PEBP4: variants seen among roughly 807,000 people sequenced by gnomAD.
PEBP4 encodes the protein phosphatidylethanolamine binding protein 4, also known as phosphatidylethanolamine-binding protein 4.
A neutral mutation model predicts 23.9 loss-of-function variants in PEBP4; 22 were observed. That is an observed-to-expected ratio of 0.92 (90% CI 0.66 to 1.31). PEBP4 has a LOEUF of 1.31. Ranked by LOEUF, PEBP4 falls within the 40% of genes most tolerant of loss-of-function variation. The pLI is 0.00. For synonymous variants in PEBP4, 112 were observed against 99.3 expected, an observed-to-expected ratio of 1.13 and a Z score of -0.76; for missense variants, 324 against 281.7, an observed-to-expected ratio of 1.15 and a Z score of -1.07.
chr8:22,820,483 G>C (rs578022396), intron 3 of PEBP4, among the ~76,000 whole-genome samples: 40 of 152,326 alleles, frequency 2.6e-4, no homozygotes, highest in Non-Finnish European at 4.0e-4. Flanking sequence ...CCTTGACCGG[G>C]AGAGGCAGGC....
rs1805580879 is a variant in PEBP4 at position 22,765,107 on chromosome 8, TC to T, written c.358-37888del. On this transcript the variant is annotated intron_variant, in intron 4 of 6. Coordinates refer to ENST00000256404, the MANE Select transcript of PEBP4 (RefSeq NM_144962.3). The stretch of plus-strand genomic sequence containing the variant: ...GTCCTCAGTTTCTTTCCTTCTTCCT[TC>T]CTTTATTTCTTCCTTCCTTCCTTCC... 2.0e-5 allele frequency among the ~76,000 whole-genome samples: 3 copies of T among 148,876 alleles called. No individual in the cohort carries two copies. In the South Asian group the frequency reaches 6.4e-4, roughly 32 times the overall value.
At chr8:22,833,485 C>T (rs113757224) in intron 3 of PEBP4, among the ~76,000 whole-genome samples, 4,432 of 152,262 alleles carry the variant, frequency 0.029, 187 homozygotes, top group African/African-American at 0.084. Context: ...GTGCATGCCA[C>T]CACGCCCAGC....
rs569362172 is a variant in PEBP4 at position 22,723,500 on chromosome 8, T to C, written c.517+1343A>G. On this transcript the variant is annotated intron_variant, in intron 6 of 6. Transcript: ENST00000256404. ...TAGGCATGGTGATCCCGGAGTCTCA[T>C]GGTGGGGCTCAGAGGCACTGCTTCA... 3.9e-5 allele frequency among the ~76,000 whole-genome samples: 6 copies of C among 151,940 alleles called. No individual in the cohort carries two copies. In the South Asian group the frequency reaches 1.2e-3, roughly 32 times the overall value.
chr8:22,777,193 T>C (rs1327256980), intron 4 of PEBP4, among the ~76,000 whole-genome samples: 1 of 152,134 alleles, frequency 6.6e-6, no homozygotes, highest in East Asian at 1.9e-4. Context: ...CCGATTTCCC[T>C]CTTTCCTTCT....
intron 3 of PEBP4, among the ~76,000 whole-genome samples, chr8:22,838,089 C>T (rs1807244363): frequency 1.3e-5 from 2 of 151,702 alleles, no homozygotes; most frequent in African/African-American, 2.4e-5. Flanking sequence ...TTTGTAGATA[C>T]GGGGTCTCCC....
At chr8:22,852,797 A>T (rs1244498832) in intron 3 of PEBP4, among the ~76,000 whole-genome samples, 3 of 148,340 alleles carry the variant, frequency 2.0e-5, no homozygotes, top group Non-Finnish European at 3.0e-5. Flanking sequence ...ATTAACAATT[A>T]AAAAAAAAAG....
At chr8:22,749,633 C>T (rs1045071475) in intron 4 of PEBP4, among the ~76,000 whole-genome samples, 4 of 151,992 alleles carry the variant, frequency 2.6e-5, no homozygotes, top group African/African-American at 4.8e-5. Flanking sequence ...TGGGTAGCTG[C>T]GGCCAGCTAT....
intron 3 of PEBP4, among the ~76,000 whole-genome samples, chr8:22,854,925 A>C (rs1807608342): frequency 1.0e-5 from 1 of 99,774 alleles, no homozygotes; most frequent in South Asian, 4.1e-4. Context: ...GTGAGATTAG[A>C]ATGTGTGTGT....
At chr8:22,850,565 G>A (rs1461404855) in intron 3 of PEBP4, among the ~76,000 whole-genome samples, 1 of 152,174 alleles carries the variant, frequency 6.6e-6, no homozygotes, top group Admixed American at 6.5e-5. Context: ...GCGTGTGTGT[G>A]TGTGTGTGTC....
rs534643280 is a variant in PEBP4 at position 22,894,914 on chromosome 8, A to G, written c.258+25270T>C. Among the ~76,000 whole-genome samples the G allele has an allele frequency of 1.9e-3, 296 of 152,216 alleles. 3 individuals carry two copies. Among genetic ancestry groups the G allele is most frequent in the African/African-American group, 6.6e-3 (276 of 41,528 alleles). On this transcript the variant is annotated intron_variant, in intron 3 of 6. Transcript: ENST00000256404. ...CCTTTTCCCCAGGTCCTGTCTTGCA[A>G]GAGAATCCTGATTCTCCCTGAGGTC...
intron 4 of PEBP4, among the ~76,000 whole-genome samples, chr8:22,761,105 C>G (rs1040052): frequency 0.12 from 17,501 of 152,102 alleles, 1,333 homozygotes; most frequent in South Asian, 0.21. Flanking sequence ...GAGGTGGGAC[C>G]CTGCCAGGCC....
chr8:22,897,551 T>TA (rs1256475515), intron 3 of PEBP4, among the ~76,000 whole-genome samples: 1 of 152,228 alleles, frequency 6.6e-6, no homozygotes, highest in Non-Finnish European at 1.5e-5. Flanking sequence ...ATTCAAACCT[T>TA]ACAACAAACC....
chr8:22,927,006 C>A (rs1585161011), intron 2 of PEBP4, among the ~76,000 whole-genome samples: 1 of 152,080 alleles, frequency 6.6e-6, no homozygotes, highest in East Asian at 1.9e-4. Flanking sequence ...AGGAGAGAGC[C>A]GAACGCCAGG....
intron 4 of PEBP4, among the ~76,000 whole-genome samples, chr8:22,770,124 G>C (rs1805688148): frequency 6.6e-6 from 1 of 152,232 alleles, no homozygotes; most frequent in African/African-American, 2.4e-5. Context: ...GCCCCTCTGG[G>C]TGGAAGCCCA....
chr8:22,787,082 C>CA (rs1806045055), intron 4 of PEBP4, among the ~76,000 whole-genome samples: 1 of 152,190 alleles, frequency 6.6e-6, no homozygotes, highest in African/African-American at 2.4e-5. Context: ...CTCGGCTTCC[C>CA]AAGAGTGCTG....
At chr8:22,720,783 C>G (rs1186378401) in intron 6 of PEBP4, among the ~76,000 whole-genome samples, 2 of 152,176 alleles carry the variant, frequency 1.3e-5, no homozygotes, top group African/African-American at 4.8e-5. Flanking sequence ...TGAATATCTC[C>G]CCTGACTCTC....
At chr8:22,806,614 C>CAAAAA (rs55944201) in intron 4 of PEBP4, among the ~76,000 whole-genome samples, 1 of 85,886 alleles carries the variant, frequency 1.2e-5, no homozygotes, top group African/African-American at 4.2e-5. Context: ...GACTGTGTCT[C>CAAAAA]AAAAAAAAAA....
At chr8:22,936,189 A>C (rs1809537690) in intron 1 of PEBP4, among the ~76,000 whole-genome samples, 1 of 151,950 alleles carries the variant, frequency 6.6e-6, no homozygotes, top group African/African-American at 2.4e-5. Flanking sequence ...TAATTAAAAA[A>C]CAGAGAAGAC....
chr8:22,906,977 T>C (rs1299792588), intron 3 of PEBP4, among the ~76,000 whole-genome samples: 1 of 152,140 alleles, frequency 6.6e-6, no homozygotes, highest in East Asian at 1.9e-4. Context: ...GGAAAGAAGT[T>C]AGGAGGGATA....
Sources: gnomAD v4.1 joint callset for allele counts (sites outside exome capture counted in the v4.1 genomes callset) on GRCh38, gnomAD v4.1.1 for gene constraint, MANE v1.5 for transcripts, NCBI Gene and HGNC (gene_info 2026-07-23, HGNC 2026-07-21) for gene names.